Variants in MAP2 observed in about 807,000 individuals in gnomAD.
MAP2 encodes the protein microtubule-associated protein 2.
MAP2 carries 14 observed loss-of-function variants against 137.6 expected under a neutral mutation model. The observed-to-expected ratio is 0.10, with a 90% confidence interval of 0.07 to 0.16. The LOEUF (loss-of-function observed/expected upper bound fraction) is 0.16, where lower values mean the gene tolerates loss of function less well. Ranked by LOEUF, MAP2 falls within the 10% of genes least tolerant of loss-of-function variation. MAP2 has a pLI of 1.00. For missense variants in MAP2, 2,088 were observed against 2,191.5 expected, an observed-to-expected ratio of 0.95 and a Z score of 0.94; for synonymous variants, 786 against 782.3, an observed-to-expected ratio of 1.00 and a Z score of -0.08.
intron 4 of MAP2, among the ~76,000 whole-genome samples, chr2:209,642,759 G>C (rs1470745231): frequency 6.6e-6 from 1 of 152,130 alleles, no homozygotes; most frequent in East Asian, 1.9e-4. Context: ...ATGTTATCAA[G>C]AACCTTTTCC....
At chr2:209,508,836 A>T (rs552237513) in intron 2 of MAP2, among the ~76,000 whole-genome samples, 1 of 151,686 alleles carries the variant, frequency 6.6e-6, no homozygotes, top group African/African-American at 2.4e-5. Flanking sequence ...CAAATTTATT[A>T]AAGTTTCTCT....
chr2:209,699,243 A>G (rs1464628904), intron 10 of MAP2, among the ~76,000 whole-genome samples: 1 of 152,212 alleles, frequency 6.6e-6, no homozygotes, highest in Non-Finnish European at 1.5e-5. Context: ...CTAGTCCTAC[A>G]TGGCATAAAG....
chr2:209,528,104 C>G (rs540304247), intron 2 of MAP2, among the ~76,000 whole-genome samples: 65 of 143,448 alleles, frequency 4.5e-4, no homozygotes, highest in African/African-American at 1.5e-3. Flanking sequence ...ATCTTCCCCC[C>G]CTGCCCACCC....
At chr2:209,588,039 T>G (rs2078215853) in intron 3 of MAP2, among the ~76,000 whole-genome samples, 1 of 152,182 alleles carries the variant, frequency 6.6e-6, no homozygotes, top group African/African-American at 2.4e-5. Flanking sequence ...TTGCACTGTA[T>G]ATGTTGTCTA....
At chr2:209,512,039 A>G (rs915399282) in intron 2 of MAP2, among the ~76,000 whole-genome samples, 2 of 152,048 alleles carry the variant, frequency 1.3e-5, no homozygotes, top group African/African-American at 2.4e-5. Flanking sequence ...GATGCCCTCT[A>G]TACTTCTAGA....
At chr2:209,497,884 A>G (rs1325070239) in intron 1 of MAP2, among the ~76,000 whole-genome samples, 1 of 152,190 alleles carries the variant, frequency 6.6e-6, no homozygotes, top group Non-Finnish European at 1.5e-5. Context: ...CAACATGAGA[A>G]TTGGGTGGCG....
At chr2:209,489,187 C>A (rs981073854) in intron 1 of MAP2, among the ~76,000 whole-genome samples, 1 of 152,166 alleles carries the variant, frequency 6.6e-6, no homozygotes, top group Non-Finnish European at 1.5e-5. Context: ...AGCAGACCTG[C>A]AGAAGAGGGA....
At chr2:209,697,525 A>C (rs942286013) in intron 10 of MAP2, among the ~76,000 whole-genome samples, 30 of 152,190 alleles carry the variant, frequency 2.0e-4, no homozygotes, top group African/African-American at 6.0e-4. Context: ...TAGATACTGA[A>C]AATGAAAAGC....
intron 3 of MAP2, among the ~76,000 whole-genome samples, chr2:209,620,697 A>C (rs776425503): frequency 6.6e-6 from 1 of 152,194 alleles, no homozygotes; most frequent in Non-Finnish European, 1.5e-5. Context: ...TGAATAATAG[A>C]TATTTTCCCA....
rs760056272 is a variant in MAP2, at chr2:209,696,049, T to C, written c.3879T>C (p.Thr1293=). 1.2e-6 allele frequency: 2 copies of C among 1,614,090 alleles called. No individual in the cohort carries two copies. The highest frequency in any genetic ancestry group is 2.2e-5 in the South Asian group (2 of 91,074). The change falls in exon 8 of 16, where the codon ACT becomes ACC. Residue 1293 remains threonine, a synonymous_variant. Coordinates refer to ENST00000682079, the MANE Select transcript of MAP2 (RefSeq NM_001375505.1). ...TGACCATCGAGGATGATTTCATCAC[T>C]GTAGTGCAAACCACAACTGATGAAG... is the stretch of plus-strand genomic sequence containing the variant. ...SVVTIEDDFI[T]VVQTTTDEGE...
intron 2 of MAP2, among the ~76,000 whole-genome samples, chr2:209,518,130 A>G (rs776616265): frequency 6.6e-6 from 1 of 152,072 alleles, no homozygotes; most frequent in Non-Finnish European, 1.5e-5. Context: ...CTGAGTGGTT[A>G]TTATTAAATC....
intron 2 of MAP2, among the ~76,000 whole-genome samples, chr2:209,548,067 T>C (rs909169490): frequency 6.6e-6 from 1 of 152,202 alleles, no homozygotes; most frequent in African/African-American, 2.4e-5. Flanking sequence ...AATTGAATGC[T>C]GTTTATTAGC....
rs2061035518 is a variant in MAP2, at chr2:209,506,207, G to A, written c.-221-1385G>A. ...TACTTAAAAAAAAATCTCCACAGAT[G>A]TATCAACCTATCATTTCGTTATTGT... On this transcript the variant is annotated intron_variant, in intron 1 of 15. Coordinates refer to ENST00000682079, the MANE Select transcript of MAP2 (RefSeq NM_001375505.1). Among the ~76,000 whole-genome samples the A allele has an allele frequency of 2.0e-5, 3 of 152,066 alleles. No homozygotes were observed. The South Asian group carries it at 6.2e-4, about 32-fold the overall frequency.
intron 1 of MAP2, among the ~76,000 whole-genome samples, chr2:209,482,880 C>T (rs559476761): frequency 6.6e-6 from 1 of 152,192 alleles, no homozygotes; most frequent in Admixed American, 6.5e-5. Context: ...AATGAACTCT[C>T]TGCATTTTAC....
intron 2 of MAP2, among the ~76,000 whole-genome samples, chr2:209,517,269 G>A (rs1306030861): frequency 6.6e-6 from 1 of 152,054 alleles, no homozygotes; most frequent in Non-Finnish European, 1.5e-5. Context: ...GAAGTTCTCT[G>A]TTAGAGACCT....
chr2:209,582,676 TAGATAGATAGATAGA>T (rs1472353304), intron 3 of MAP2, among the ~76,000 whole-genome samples: 2 of 151,304 alleles, frequency 1.3e-5, no homozygotes, highest in Admixed American at 1.3e-4. Flanking sequence ...GATAGATAGA[TAGATAGATAGATAGA>T]TAGATAGATA....
At chr2:209,680,968 C>A in intron 7 of MAP2, 141 bp downstream of exon 7, 4 of 520,230 alleles carry the variant, frequency 7.7e-6, no homozygotes, top group East Asian at 3.1e-5. Flanking sequence ...GAAGAAGAAA[C>A]AAAGACTTTA....
At chr2:209,499,034 C>G (rs573721004) in intron 1 of MAP2, among the ~76,000 whole-genome samples, 1 of 152,346 alleles carries the variant, frequency 6.6e-6, no homozygotes, top group South Asian at 2.1e-4. Context: ...TTCTCTGCCA[C>G]ATGGTTAGAT....
intron 13 of MAP2, among the ~76,000 whole-genome samples, chr2:209,721,199 G>A (rs1002830472): frequency 6.6e-6 from 1 of 152,128 alleles, no homozygotes; most frequent in Non-Finnish European, 1.5e-5. Flanking sequence ...CTCTTCATGA[G>A]CACTAAGTGT....
Sources: allele counts gnomAD v4.1 joint callset (sites outside exome capture counted in the v4.1 genomes callset), GRCh38; gene constraint gnomAD v4.1.1; transcripts MANE v1.5; gene names NCBI Gene and HGNC (gene_info 2026-07-23, HGNC 2026-07-21).